Variants in FN1 observed in about 807,000 individuals in gnomAD.
The protein encoded by FN1 is fibronectin 1.
A neutral mutation model predicts 297.3 loss-of-function variants in FN1; 106 were observed. The observed-to-expected ratio is 0.36, with a 90% CI of 0.30 to 0.42. The LOEUF is 0.42. FN1 is among the 10% of genes least tolerant of loss of function. FN1 has a pLI of 1.00. For missense variants in FN1, 2,690 were observed against 3,124.9 expected (o/e 0.86, Z 3.32); for synonymous variants, 1,149 against 1,152.6 (o/e 1.00, Z 0.06).
chr2:215,426,825 C>A (rs1300449729), intron 6 of FN1, among the ~76,000 whole-genome samples: 3 of 152,160 alleles, frequency 2.0e-5, no homozygotes, highest in Non-Finnish European at 4.4e-5. Context: ...TTCCCACCTA[C>A]ACTTTTAATC....
chr2:215,422,025 TA>T (rs934064189), intron 10 of FN1, 65 bp downstream of exon 10: 51 of 1,491,996 alleles, frequency 3.4e-5, no homozygotes, highest in Non-Finnish European at 4.0e-5. Flanking sequence ...CAAGTTTTCA[TA>T]AAAAAAAGTG....
Position 215,386,925 on chromosome 2 carries a change from T to G in FN1, c.4376A>C (p.Asp1459Ala). 1 of 1,612,368 alleles carries G rather than the reference T, an allele frequency of 6.2e-7. No individual in the cohort carries two copies. Among genetic ancestry groups the G allele is most frequent in the Non-Finnish European group, 8.5e-7 (1 of 1,179,556 alleles). ...LDSPTGIDFS[D>A]ITANSFTVHW... ...CACAGTAAAAGAGTTGGCAGTAATATCAGAAAAGTCAATGCCAGTTGGGGA... is the reference window on the plus strand; with the variant it reads ...CACAGTAAAAGAGTTGGCAGTAATAGCAGAAAAGTCAATGCCAGTTGGGGA... Residue 1459 changes from aspartate (D) to alanine (A), a missense_variant, in exon 28 of 46, where the codon GAT becomes GCT. Transcript: ENST00000354785.
In FN1 at chr2:215,428,269, C is replaced by T. The variant is rs768600288; in HGVS notation, c.755G>A (p.Arg252Gln). 6 of 1,614,032 alleles carry T rather than the reference C, an allele frequency of 3.7e-6. No homozygotes were observed. The highest frequency in any genetic ancestry group is 2.2e-5 in the East Asian group (1 of 44,898). ...IGDTWSKKDN[R>Q]GNLLQCICTG... is the part of the protein sequence containing the mutation. ...GCAGATGCACTGGAGCAGGTTTCCT[C>T]GATTATCCTTCTTGCTCCAGGTGTC... The change falls in exon 6 of 46, where the codon CGA becomes CAA. Residue 252 changes from arginine (R) to glutamine (Q), a missense_variant. Transcript: ENST00000354785.
chr2:215,365,617 G>A lies in FN1; in HGVS notation c.7032C>T (p.Asp2344=). The change falls in exon 43 of 46, where the codon GAC becomes GAT. Residue 2344 remains aspartate (D), a synonymous_variant. Transcript: ENST00000354785. ...CTCCAATCTTGTAGTTCACACCATT[G>A]TCATGGCACCATCCTGTAGGGGTGG... ...FRCDSSRWCH[D]NGVNYKIGEK... 1 of 1,613,890 alleles carries A rather than the reference G, an allele frequency of 6.2e-7. No homozygotes were observed. Among genetic ancestry groups the A allele is most frequent in the Non-Finnish European group, 8.5e-7 (1 of 1,179,896 alleles).
chr2:215,428,390 T>A, intron 5 of FN1, 52 bp from the exon 6 acceptor site: 16 of 1,551,826 alleles, frequency 1.0e-5, no homozygotes, highest in Non-Finnish European at 1.4e-5. Context: ...TCGCAAGTGG[T>A]CAATTCAAAC....
At chr2:215,386,378 A>G (rs1426815878) in intron 28 of FN1, among the ~76,000 whole-genome samples, 5 of 151,856 alleles carry the variant, frequency 3.3e-5, no homozygotes, top group Non-Finnish European at 7.4e-5. Context: ...CGTCCGGCCA[A>G]TTTTCTACAT....
At chr2:215,366,448 A>C (rs541254778) in intron 42 of FN1, among the ~76,000 whole-genome samples, 2 of 152,310 alleles carry the variant, frequency 1.3e-5, no homozygotes, top group South Asian at 4.1e-4. Context: ...AAGAGTAAAA[A>C]ATGAACCCGG....
chr2:215,426,179 C>G (rs1332515670), intron 6 of FN1, among the ~76,000 whole-genome samples: 2 of 123,296 alleles, frequency 1.6e-5, no homozygotes, highest in Non-Finnish European at 3.2e-5. Flanking sequence ...GACGGAGTCT[C>G]ACTCTGTCAC....
chr2:215,414,988 C>A lies in FN1; in HGVS notation c.1820-30G>T, dbSNP rs773318563. On this transcript the variant is annotated intron_variant, in intron 12 of 45. Coordinates refer to ENST00000354785, the MANE Select transcript of FN1 (RefSeq NM_212482.4). ...AAATGAAAATGTAGCATTTAATTATCTTGAATATTCACTCACTTCAACTTA... is the reference window on the plus strand; with the variant it reads ...AAATGAAAATGTAGCATTTAATTATATTGAATATTCACTCACTTCAACTTA... 7.0e-6 allele frequency: 11 copies of A among 1,571,328 alleles called. No individual in the cohort carries two copies. In the South Asian group the frequency reaches 1.0e-4, roughly 14 times the overall value.
At chr2:215,415,097 C>A in intron 12 of FN1, 139 bp from the exon 13 acceptor site, 1 of 637,042 alleles carries the variant, frequency 1.6e-6, no homozygotes, top group Non-Finnish European at 2.8e-6. Flanking sequence ...TGGCATTAAT[C>A]TTTTAAATAT....
chr2:215,375,509 C>A lies in FN1; in HGVS notation c.5978-116G>T, dbSNP rs554274316. 7.9e-6 allele frequency: 10 copies of A among 1,269,902 alleles called. No homozygotes were observed. In the African/African-American group the frequency reaches 1.2e-4, roughly 15 times the overall value. 78.7% of individuals were successfully genotyped at this position (1,269,902 alleles called of 1,614,324 possible). A position where few individuals can be genotyped will look rare whatever the true frequency, so the allele number is the denominator to read the frequency against. On this transcript the variant is annotated intron_variant, in intron 37 of 45. Coordinates refer to ENST00000354785, the MANE Select transcript of FN1 (RefSeq NM_212482.4). The stretch of plus-strand genomic sequence containing the variant: ...AAAAGAATCTGAGAATACTGTAAAC[C>A]GGAAACAAGATTCTCTGGAATCTAT...
Position 215,383,836 on chromosome 2 carries a change from T to A in FN1, c.4894+184A>T, listed in dbSNP as rs577851050. The stretch of plus-strand genomic sequence containing the variant: ...TATCGACAAAACTGACTGAACTTCC[T>A]GCCCTTGGGGTGCTTCCTTCTTTAT... On this transcript the variant is annotated intron_variant, in intron 30 of 45. Coordinates refer to ENST00000354785, the MANE Select transcript of FN1 (RefSeq NM_212482.4). 3.3e-5 allele frequency among the ~76,000 whole-genome samples: 5 copies of A among 152,350 alleles called. No homozygotes were observed. In the East Asian group the frequency reaches 5.8e-4, roughly 18 times the overall value.
chr2:215,407,138 G>A lies in FN1; in HGVS notation c.2702C>T (p.Thr901Ile), dbSNP rs780997234. 2.5e-6 allele frequency: 4 copies of A among 1,613,622 alleles called. No homozygotes were observed. The Admixed American group carries it at 6.7e-5, about 27-fold the overall frequency. ...PVVIQQETTGTPRSDTVPSPR... is the reference protein window; with the variant it reads ...PVVIQQETTGIPRSDTVPSPR... ...CTTAAAAAAGTTACCTGAGCGTGGG[G>A]TGCCAGTGGTTTCTTGTTGAATGAC... The change falls in exon 18 of 46, where the codon ACC becomes ATC. Residue 901 changes from threonine (T) to isoleucine (I), a missense_variant. Thr to Ile is a moderately conservative substitution (Grantham distance 89, BLOSUM62 -1). Coordinates refer to ENST00000354785, the MANE Select transcript of FN1 (RefSeq NM_212482.4).
rs942630608 is a variant in FN1, at chr2:215,414,912, C to G, written c.1866G>C (p.Gln622His). 5 of 1,613,784 alleles carry G rather than the reference C, an allele frequency of 3.1e-6. No homozygotes were observed. The highest frequency in any genetic ancestry group is 1.3e-5 in the African/African-American group (1 of 74,902). The change falls in exon 13 of 46, where the codon CAG becomes CAC. Residue 622 changes from glutamine (Q) to histidine (H), a missense_variant. By Grantham distance (24) the Gln-to-His change is conservative. Transcript: ENST00000354785. ...TCCACTGGATGGGGTGGGAGTTGGG[C>G]TGACTCGGAGTCTCAGTGATAAATA... Reference protein sequence around the residue: ...VEVFITETPSQPNSHPIQWNA... With the variant: ...VEVFITETPSHPNSHPIQWNA...
intron 5 of FN1, among the ~76,000 whole-genome samples, chr2:215,429,726 T>C (rs2066144389): frequency 6.6e-6 from 1 of 152,200 alleles, no homozygotes; most frequent in East Asian, 1.9e-4. Context: ...TAAGTACTCT[T>C]TGAAGGCTGG....
At chr2:215,374,700 TA>T (rs1240469157) in intron 38 of FN1, among the ~76,000 whole-genome samples, 1 of 152,220 alleles carries the variant, frequency 6.6e-6, no homozygotes, top group African/African-American at 2.4e-5. Context: ...AAAATAATAC[TA>T]GAGGCTTATA....
rs745428922 is a variant in FN1 at position 215,424,340 on chromosome 2, A to C, written c.1037-15T>G. On this transcript the variant is annotated splice_polypyrimidine_tract_variant and intron_variant, in intron 7 of 45. Transcript: ENST00000354785. ...CTGGGTTACAGCTACAATCATAATC[A>C]AAAGAGTGTCAGTAAACAGAGATGC... 2.5e-6 allele frequency: 4 copies of C among 1,609,902 alleles called. No individual in the cohort carries two copies. The highest frequency in any genetic ancestry group is 3.4e-6 in the Non-Finnish European group (4 of 1,176,268).
At chr2:215,377,476 T>TCC (rs2057509497) in intron 35 of FN1, among the ~76,000 whole-genome samples, 1 of 151,862 alleles carries the variant, frequency 6.6e-6, no homozygotes, top group South Asian at 2.1e-4. Context: ...CCCCCAACTC[T>TCC]CTCTCTCTCT....
chr2:215,428,476 G>A (rs895053831), intron 5 of FN1, 138 bp from the exon 6 acceptor site: 1 of 756,298 alleles, frequency 1.3e-6, no homozygotes, highest in Non-Finnish European at 2.3e-6. Flanking sequence ...GTGCTGCAAG[G>A]TATTACACTT....
Sources: allele counts gnomAD v4.1 joint callset (sites outside exome capture counted in the v4.1 genomes callset), GRCh38; gene constraint gnomAD v4.1.1; transcripts MANE v1.5; gene names NCBI Gene and HGNC (gene_info 2026-07-23, HGNC 2026-07-21).